The following LRRC8D variants were observed in gnomAD, a reference collection of about 807,000 sequenced individuals.
The protein encoded by LRRC8D is volume-regulated anion channel subunit LRRC8D.
LRRC8D carries 20 observed loss-of-function variants against 55.8 expected under a neutral mutation model. That is an observed-to-expected ratio of 0.36 (90% CI 0.25 to 0.52). LRRC8D has a LOEUF of 0.52. Ranked by LOEUF, LRRC8D falls within the 20% of genes least tolerant of loss-of-function variation. LRRC8D has a pLI of 0.93. For missense variants in LRRC8D, 651 were observed against 1,030.8 expected (o/e 0.63, Z 5.05); for synonymous variants, 352 against 377.0 (o/e 0.93, Z 0.77).
chr1:89,845,088 A>G (rs987243285), intron 2 of LRRC8D, among the ~76,000 whole-genome samples: 2 of 152,234 alleles, frequency 1.3e-5, no homozygotes, highest in Non-Finnish European at 2.9e-5. Context: ...CGGGTAGCCA[A>G]GCCATCTAAG....
At chr1:89,844,163 G>C (rs973107147) in intron 2 of LRRC8D, among the ~76,000 whole-genome samples, 5 of 152,282 alleles carry the variant, frequency 3.3e-5, no homozygotes, top group Non-Finnish European at 2.9e-5. Context: ...TACTGGTCTG[G>C]GGTCATACAC....
intron 2 of LRRC8D, among the ~76,000 whole-genome samples, chr1:89,887,585 A>ACT (rs1662453604): frequency 6.6e-6 from 1 of 152,196 alleles, no homozygotes; most frequent in Non-Finnish European, 1.5e-5. Context: ...CAGTAACTAA[A>ACT]CTAGTTATCT....
intron 1 of LRRC8D, among the ~76,000 whole-genome samples, chr1:89,834,093 T>C (rs757324487): frequency 6.6e-6 from 1 of 152,156 alleles, no homozygotes; most frequent in Non-Finnish European, 1.5e-5. Flanking sequence ...ATTTTGAACA[T>C]TAATTTTTGA....
intron 2 of LRRC8D, among the ~76,000 whole-genome samples, chr1:89,918,729 C>CTA (rs1663338653): frequency 6.6e-6 from 1 of 152,174 alleles, no homozygotes; most frequent in African/African-American, 2.4e-5. Flanking sequence ...TGCAGGTGGT[C>CTA]TATCCGAATG....
At chr1:89,886,094 C>A (rs1420698565) in intron 2 of LRRC8D, among the ~76,000 whole-genome samples, 1 of 152,288 alleles carries the variant, frequency 6.6e-6, no homozygotes, top group East Asian at 1.9e-4. Context: ...AGAATCTGTT[C>A]CATATTATAC....
At chr1:89,838,613 G>A (rs1314861306) in intron 1 of LRRC8D, among the ~76,000 whole-genome samples, 1 of 152,072 alleles carries the variant, frequency 6.6e-6, no homozygotes, top group Non-Finnish European at 1.5e-5. Context: ...TTTTATACAG[G>A]TATTTGCATT....
intron 2 of LRRC8D, among the ~76,000 whole-genome samples, chr1:89,924,735 A>G (rs563606616): frequency 1.3e-5 from 2 of 152,168 alleles, no homozygotes; most frequent in African/African-American, 2.4e-5. Flanking sequence ...CTATGCAACC[A>G]TAGAAAAGAA....
chr1:89,891,327 G>T (rs1220977630), intron 2 of LRRC8D, among the ~76,000 whole-genome samples: 2 of 152,132 alleles, frequency 1.3e-5, no homozygotes, highest in East Asian at 3.9e-4. Flanking sequence ...TAAGTTATGT[G>T]TTCTTCCAAG....
At chr1:89,896,779 C>G (rs1662724922) in intron 2 of LRRC8D, among the ~76,000 whole-genome samples, 1 of 152,174 alleles carries the variant, frequency 6.6e-6, no homozygotes, top group Non-Finnish European at 1.5e-5. Flanking sequence ...CTCTCTCTGT[C>G]TCCTCTCTTT....
intron 1 of LRRC8D, among the ~76,000 whole-genome samples, chr1:89,834,558 G>A (rs566839500): frequency 1.3e-5 from 2 of 152,368 alleles, no homozygotes; most frequent in East Asian, 3.8e-4. Context: ...TATGAAAGAT[G>A]AGTAAGATAT....
chr1:89,856,323 ATC>A (rs201416981), intron 2 of LRRC8D, among the ~76,000 whole-genome samples: 28 of 151,968 alleles, frequency 1.8e-4, no homozygotes, highest in South Asian at 8.3e-4. Flanking sequence ...TGCTACAGTA[ATC>A]TCTCTCTCTC....
chr1:89,920,536 TAA>T (rs887850506), intron 2 of LRRC8D, among the ~76,000 whole-genome samples: 2 of 152,126 alleles, frequency 1.3e-5, no homozygotes, highest in Non-Finnish European at 2.9e-5. Flanking sequence ...GGAGCTATTT[TAA>T]AAGTTTAATT....
At chr1:89,931,843 G>GTACT (rs1428593901) in intron 2 of LRRC8D, among the ~76,000 whole-genome samples, 4 of 151,972 alleles carry the variant, frequency 2.6e-5, no homozygotes, top group Non-Finnish European at 4.4e-5. Context: ...AAACTCTTGG[G>GTACT]TACTTGCCTT....
At chr1:89,831,052 C>T (rs1227648089) in intron 1 of LRRC8D, among the ~76,000 whole-genome samples, 38 of 151,898 alleles carry the variant, frequency 2.5e-4, no homozygotes, top group African/African-American at 2.7e-4. Flanking sequence ...ATTACAGGTA[C>T]GCACCACCAC....
intron 1 of LRRC8D, among the ~76,000 whole-genome samples, chr1:89,831,471 C>G (rs1045858248): frequency 6.6e-6 from 1 of 151,736 alleles, no homozygotes; most frequent in African/African-American, 2.4e-5. Context: ...GGGACACACA[C>G]AGAGAGAGAA....
intron 2 of LRRC8D, among the ~76,000 whole-genome samples, chr1:89,928,640 G>T (rs923926443): frequency 6.6e-6 from 1 of 152,154 alleles, no homozygotes; most frequent in African/African-American, 2.4e-5. Context: ...TGGTGACTGT[G>T]TGTGAAGTTA....
intron 2 of LRRC8D, among the ~76,000 whole-genome samples, chr1:89,902,286 A>G (rs574463709): frequency 6.6e-5 from 10 of 152,338 alleles, no homozygotes; most frequent in African/African-American, 1.9e-4. Context: ...GCATATCTGA[A>G]TAGCCTGCTA....
chr1:89,886,986 G>C (rs1184613927), intron 2 of LRRC8D, among the ~76,000 whole-genome samples: 2 of 152,120 alleles, frequency 1.3e-5, no homozygotes, highest in Admixed American at 6.5e-5. Context: ...AAAAAGTGAT[G>C]CCAAATGATG....
chr1:89,920,325 T>C (rs527339393), intron 2 of LRRC8D, among the ~76,000 whole-genome samples: 29 of 152,332 alleles, frequency 1.9e-4, no homozygotes, highest in Non-Finnish European at 4.0e-4. Flanking sequence ...TCACAAGTTA[T>C]GAATTTTCTA....
Sources: gnomAD v4.1 joint callset for allele counts (sites outside exome capture counted in the v4.1 genomes callset) on GRCh38, gnomAD v4.1.1 for gene constraint, MANE v1.5 for transcripts, NCBI Gene and HGNC (gene_info 2026-07-23, HGNC 2026-07-21) for gene names.